PEX7: variants seen among roughly 807,000 people sequenced by gnomAD.
PEX7 encodes the protein PTS2 receptor.
Under a neutral mutation model 47.5 loss-of-function variants are expected in PEX7, and 34 were observed. That is an observed-to-expected ratio of 0.72 (90% confidence interval 0.54 to 0.95). The LOEUF (loss-of-function observed/expected upper bound fraction) is 0.95, where lower values mean the gene tolerates loss of function less well. Among genes scored for constraint, PEX7 ranks in the 40% least tolerant of loss-of-function variants. PEX7 has a pLI of 0.00. For missense variants in PEX7, 394 were observed against 400.3 expected (o/e 0.98, Z 0.13); for synonymous variants, 141 against 148.8 (o/e 0.95, Z 0.38).
chr6:136,894,566 G>A (rs1450336058), intron 8 of PEX7, among the ~76,000 whole-genome samples: 3 of 152,116 alleles, frequency 2.0e-5, no homozygotes, highest in Non-Finnish European at 4.4e-5. Context: ...CTCCAGCCTG[G>A]GCGACAGAGT....
At chr6:136,895,175 T>G (rs1026792253) in intron 8 of PEX7, among the ~76,000 whole-genome samples, 1 of 152,244 alleles carries the variant, frequency 6.6e-6, no homozygotes, top group Middle Eastern at 3.4e-3. Flanking sequence ...ATAGAAAAAC[T>G]CTGGAAGTAT....
At chr6:136,837,064 T>C (rs1365972618) in intron 3 of PEX7, among the ~76,000 whole-genome samples, 1 of 151,936 alleles carries the variant, frequency 6.6e-6, no homozygotes, top group Non-Finnish European at 1.5e-5. Context: ...TCAGTAATTA[T>C]GTCATTAGAA....
At chr6:136,877,186 G>GT (rs367629075) in intron 8 of PEX7, among the ~76,000 whole-genome samples, 128 of 145,416 alleles carry the variant, frequency 8.8e-4, no homozygotes, top group South Asian at 1.8e-3. Flanking sequence ...TGATGGGGTT[G>GT]TTTTTTTTTT....
chr6:136,833,679 AGATTGT>A (rs1774334999), intron 3 of PEX7, among the ~76,000 whole-genome samples: 3 of 152,220 alleles, frequency 2.0e-5, no homozygotes, highest in Non-Finnish European at 1.5e-5. Context: ...TTCCCTGTAA[AGATTGT>A]GATTGTACAG....
At chr6:136,825,941 A>G (rs1405627902) in intron 2 of PEX7, among the ~76,000 whole-genome samples, 1 of 152,128 alleles carries the variant, frequency 6.6e-6, no homozygotes, top group Non-Finnish European at 1.5e-5. Context: ...TTGGGCCACT[A>G]CACTCCAGCC....
At chr6:136,896,007 C>T (rs1379917162) in intron 8 of PEX7, among the ~76,000 whole-genome samples, 1 of 152,138 alleles carries the variant, frequency 6.6e-6, no homozygotes, top group Non-Finnish European at 1.5e-5. Flanking sequence ...CACAGTTCTC[C>T]TGAATGTGTG....
chr6:136,824,425 G>A (rs1245996273), intron 1 of PEX7, among the ~76,000 whole-genome samples: 7 of 152,074 alleles, frequency 4.6e-5, no homozygotes, highest in East Asian at 3.9e-4. Flanking sequence ...AGGCTGGTCC[G>A]GAACTGGGTG....
intron 5 of PEX7, among the ~76,000 whole-genome samples, chr6:136,863,229 C>T (rs1774997913): frequency 6.6e-6 from 1 of 152,054 alleles, no homozygotes; most frequent in South Asian, 2.1e-4. Flanking sequence ...GAGGGACTGA[C>T]ATTATTTTTC....
chr6:136,834,305 C>T (rs1337915767), intron 3 of PEX7, among the ~76,000 whole-genome samples: 1 of 152,218 alleles, frequency 6.6e-6, no homozygotes, highest in African/African-American at 2.4e-5. Context: ...ATCCTCTGGC[C>T]TCCTGAGCTC....
intron 9 of PEX7, among the ~76,000 whole-genome samples, chr6:136,903,793 C>A (rs1314807649): frequency 1.3e-5 from 2 of 151,848 alleles, no homozygotes; most frequent in East Asian, 3.9e-4. Flanking sequence ...CCACTCCCAC[C>A]CTACCCTACT....
intron 5 of PEX7, among the ~76,000 whole-genome samples, chr6:136,851,065 A>G (rs528757461): frequency 1.3e-3 from 122 of 96,692 alleles, no homozygotes; most frequent in African/African-American, 4.6e-3. Context: ...TTAGTTACAT[A>G]TGTATACATG....
chr6:136,889,031 A>C (rs1775513797), intron 8 of PEX7, among the ~76,000 whole-genome samples: 1 of 152,198 alleles, frequency 6.6e-6, no homozygotes. Context: ...AATCAAGTGT[A>C]ATATGCAATA....
intron 3 of PEX7, among the ~76,000 whole-genome samples, chr6:136,828,547 C>T (rs1159249807): frequency 3.3e-5 from 5 of 152,214 alleles, no homozygotes; most frequent in Non-Finnish European, 7.3e-5. Flanking sequence ...CAGGAAACCT[C>T]TTGAAAATAG....
At chr6:136,847,350 T>C (rs1728906224) in intron 5 of PEX7, among the ~76,000 whole-genome samples, 1 of 151,720 alleles carries the variant, frequency 6.6e-6, no homozygotes, top group Non-Finnish European at 1.5e-5. Flanking sequence ...TTAGTTTAAT[T>C]AGATCCCATT....
In PEX7 at chr6:136,845,595, A is replaced by G; in HGVS notation, c.340-20A>G. On this transcript the variant is annotated intron_variant, in intron 3 of 9. Coordinates refer to ENST00000318471, the MANE Select transcript of PEX7 (RefSeq NM_000288.4). ...AACTTGATGGTCTTTTGCTTTCTAA[A>G]CACTTTTCAATGTTTTTAGGTGTAT... The G allele has an allele frequency of 6.7e-7, 1 of 1,493,332 alleles. No individual in the cohort carries two copies. The highest frequency in any genetic ancestry group is 9.3e-7 in the Non-Finnish European group (1 of 1,069,766). The allele number at this position is 1,493,332 out of a possible 1,614,324, so 92.5% of individuals were successfully genotyped here. A position where few individuals can be genotyped will look rare whatever the true frequency, so the allele number is the denominator to read the frequency against.
In PEX7 at chr6:136,900,827, A is replaced by G; in HGVS notation, c.903+2586A>G. 3.1e-6 allele frequency: 1 copy of G among 323,744 alleles called. No homozygotes were observed. Among genetic ancestry groups the G allele is most frequent in the Non-Finnish European group, 5.9e-6 (1 of 169,978 alleles). 20.1% of individuals were successfully genotyped at this position (323,744 alleles called of 1,614,324 possible). ...ACAGCTTTCTTCTCAGCCTGGGCCA[A>G]GTCTCTGCCTCTTCTCTTGCTTTGT... On this transcript the variant is annotated intron_variant, in intron 9 of 9. Transcript: ENST00000318471. This position sits in a 1 kb window ranked among gnomAD's most constrained non-coding sequence, Gnocchi z 4.2.
At chr6:136,861,202 A>G (rs1774957331) in intron 5 of PEX7, among the ~76,000 whole-genome samples, 1 of 152,084 alleles carries the variant, frequency 6.6e-6, no homozygotes. Context: ...CTCCCACCTC[A>G]GCCTCCTGAG....
chr6:136,867,896 A>C, intron 6 of PEX7, among the ~76,000 whole-genome samples: 1 of 152,260 alleles, frequency 6.6e-6, no homozygotes, highest in Admixed American at 6.5e-5. Flanking sequence ...AAATAAATTT[A>C]GTGTACAGTA....
At position 136,846,168 on chromosome 6, in the gene PEX7, T is replaced by G; in HGVS notation, c.513T>G (p.Phe171Leu). Residue 171 changes from phenylalanine to leucine, a missense_variant, in exon 5 of 10, where the codon TTT becomes TTG. Transcript: ENST00000318471. ...TIWSPHIPGC[F>L]ASASGDQTLR... is the part of the protein sequence containing the mutation. ...GGTCTCCCCACATCCCTGGTTGTTTTGCTTCAGCCTCAGGTAAATTATTCT... is the reference window on the plus strand; with the variant it reads ...GGTCTCCCCACATCCCTGGTTGTTTGGCTTCAGCCTCAGGTAAATTATTCT... The G allele has an allele frequency of 6.2e-7, 1 of 1,608,506 alleles. No individual in the cohort carries two copies.
Sources: allele counts gnomAD v4.1 joint callset (sites outside exome capture counted in the v4.1 genomes callset), GRCh38; gene constraint gnomAD v4.1.1; non-coding constraint Gnocchi (gnomAD v3.1); transcripts MANE v1.5; gene names NCBI Gene and HGNC (gene_info 2026-07-23, HGNC 2026-07-21).